The following THEMIS variants were observed in gnomAD, a reference collection of about 807,000 sequenced individuals.
THEMIS encodes the protein protein THEMIS.
THEMIS carries 37 observed loss-of-function variants against 52.6 expected under a neutral mutation model. That is an observed-to-expected ratio of 0.70 (90% confidence interval 0.54 to 0.93). THEMIS has a LOEUF of 0.93. THEMIS is among the 40% of genes least tolerant of loss of function. THEMIS has a pLI of 0.00. For synonymous variants in THEMIS, 292 were observed against 272.7 expected (o/e 1.07, Z -0.70); for missense variants, 808 against 763.1 (o/e 1.06, Z -0.69).
rs1244857367 is a variant in THEMIS, at chr6:127,813,407, C to T, written c.1234G>A (p.Ala412Thr). 4.3e-6 allele frequency: 7 copies of T among 1,613,810 alleles called. No homozygotes were observed. Among genetic ancestry groups the T allele is most frequent in the Non-Finnish European group, 5.9e-6 (7 of 1,179,888 alleles). The stretch of plus-strand genomic sequence containing the variant: ...GACTTTTTGAGGATTTTTTCACAGG[C>T]CAGAACATTCACCACTTTTTTTATT... ...EGIKKVVNVLACEKILKKSYE... is the reference protein window; with the variant it reads ...EGIKKVVNVLTCEKILKKSYE... Residue 412 changes from alanine (A) to threonine (T), a missense_variant, in exon 4 of 6, where the codon GCC becomes ACC. Ala to Thr is a moderately conservative substitution (Grantham distance 58). Transcript: ENST00000368248.
chr6:127,864,898 G>T (rs993189187), intron 1 of THEMIS, among the ~76,000 whole-genome samples: 1 of 152,170 alleles, frequency 6.6e-6, no homozygotes, highest in African/African-American at 2.4e-5. Context: ...ATTAAAATGA[G>T]CCAGTGAAAA....
intron 4 of THEMIS, among the ~76,000 whole-genome samples, chr6:127,785,810 G>C (rs1776929233): frequency 6.6e-6 from 1 of 151,860 alleles, no homozygotes; most frequent in Non-Finnish European, 1.5e-5. Flanking sequence ...ATAGCATTTA[G>C]AAAAGAGGGC....
At chr6:127,843,903 A>G (rs1032111534) in intron 2 of THEMIS, among the ~76,000 whole-genome samples, 1 of 151,996 alleles carries the variant, frequency 6.6e-6, no homozygotes, top group Non-Finnish European at 1.5e-5. Flanking sequence ...ATAGATCTCC[A>G]AATCACAGTC....
At chr6:127,756,955 A>G (rs1775846643) in intron 4 of THEMIS, among the ~76,000 whole-genome samples, 2 of 152,104 alleles carry the variant, frequency 1.3e-5, no homozygotes, top group South Asian at 4.1e-4. Context: ...AAAATCACTT[A>G]TTTTAGAAAA....
chr6:127,905,700 C>A (rs1781251614), upstream of THEMIS, among the ~76,000 whole-genome samples: 2 of 151,928 alleles, frequency 1.3e-5, no homozygotes, highest in Non-Finnish European at 2.9e-5. Context: ...AAAAGCAAAA[C>A]TGATAATGAA....
At chr6:127,768,606 C>T (rs1173749922) in intron 4 of THEMIS, among the ~76,000 whole-genome samples, 1 of 152,044 alleles carries the variant, frequency 6.6e-6, no homozygotes, top group African/African-American at 2.4e-5. Context: ...TGAAACAGAC[C>T]TTCAAATATT....
At chr6:127,858,345 T>C (rs756957108) in intron 1 of THEMIS, among the ~76,000 whole-genome samples, 9 of 152,044 alleles carry the variant, frequency 5.9e-5, no homozygotes, top group Non-Finnish European at 1.2e-4. Context: ...TTTTGTAATT[T>C]CTCTTTAATA....
chr6:127,723,068 T>G (rs1774417995), intron 4 of THEMIS, among the ~76,000 whole-genome samples: 1 of 151,970 alleles, frequency 6.6e-6, no homozygotes, highest in Admixed American at 6.6e-5. Context: ...ATCCTCAAGT[T>G]TATTCTCTCC....
chr6:127,726,049 G>A (rs1774534739), intron 4 of THEMIS, among the ~76,000 whole-genome samples: 1 of 152,048 alleles, frequency 6.6e-6, no homozygotes, highest in African/African-American at 2.4e-5. Flanking sequence ...ATGTGACCTT[G>A]CTGGCTTGGT....
intron 4 of THEMIS, among the ~76,000 whole-genome samples, chr6:127,724,088 C>T (rs932260502): frequency 2.0e-5 from 3 of 152,078 alleles, no homozygotes; most frequent in African/African-American, 7.2e-5. Flanking sequence ...CACTCACATG[C>T]ATAAGCAAGT....
the THEMIS span, among the ~76,000 whole-genome samples, chr6:127,699,149 C>T: frequency 1.3e-5 from 2 of 151,738 alleles, no homozygotes; most frequent in Admixed American, 1.3e-4. Context: ...GGTCTCCCTC[C>T]CCAAGTCTTT....
intron 4 of THEMIS, among the ~76,000 whole-genome samples, chr6:127,809,741 C>T (rs1245232543): frequency 6.6e-6 from 1 of 151,514 alleles, no homozygotes; most frequent in African/African-American, 2.4e-5. Flanking sequence ...CAAATTTGTC[C>T]TCCCTTTAAC....
intron 2 of THEMIS, among the ~76,000 whole-genome samples, chr6:127,851,468 G>T (rs868232276): frequency 6.6e-6 from 1 of 151,372 alleles, no homozygotes; most frequent in Non-Finnish European, 1.5e-5. Context: ...CCCCAAATAT[G>T]TAAAGAATTC....
At chr6:127,707,807 T>C (rs893231108), downstream of THEMIS, among the ~76,000 whole-genome samples, 2 of 152,152 alleles carry the variant, frequency 1.3e-5, no homozygotes, top group South Asian at 2.1e-4. Context: ...AGAGTTTTTC[T>C]ATTAAAATCC....
At chr6:127,798,348 A>T (rs1042353628) in intron 4 of THEMIS, among the ~76,000 whole-genome samples, 4 of 150,948 alleles carry the variant, frequency 2.6e-5, no homozygotes, top group African/African-American at 9.7e-5. Flanking sequence ...AAGAAACAGA[A>T]TTTTTTTTTT....
Position 127,813,771 on chromosome 6 carries a change from T to G in THEMIS, c.870A>C (p.Ala290=). The G allele has an allele frequency of 6.2e-7, 1 of 1,613,950 alleles. No homozygotes were observed. Among genetic ancestry groups the G allele is most frequent in the Non-Finnish European group, 8.5e-7 (1 of 1,179,950 alleles). ...TTTGGGGCAGGTGGTTTCCTTCAGG[T>G]GCTTCTATGACTTCAGTCACTATGG... ...EFPIVTEVIE[A]PEGNHLPQSI... The change falls in exon 4 of 6, where the codon GCA becomes GCC. Residue 290 remains alanine, a synonymous_variant. Coordinates refer to ENST00000368248, the MANE Select transcript of THEMIS (RefSeq NM_001010923.3).
chr6:127,699,498 G>A, the THEMIS span, among the ~76,000 whole-genome samples: 7 of 149,142 alleles, frequency 4.7e-5, no homozygotes, highest in African/African-American at 7.4e-5. Flanking sequence ...CACAGGATAC[G>A]TTCTTCCACT....
intron 1 of THEMIS, among the ~76,000 whole-genome samples, chr6:127,869,107 T>C (rs1044013501): frequency 5.3e-5 from 8 of 152,214 alleles, no homozygotes; most frequent in African/African-American, 1.7e-4. Context: ...GAAGTATATA[T>C]GTATGATATT....
chr6:127,812,095 G>T (rs183931446), intron 4 of THEMIS, among the ~76,000 whole-genome samples: 1 of 152,100 alleles, frequency 6.6e-6, no homozygotes, highest in Non-Finnish European at 1.5e-5. Context: ...AGACCAGAAT[G>T]CACTCCTTCC....
Sources: allele counts gnomAD v4.1 joint callset (sites outside exome capture counted in the v4.1 genomes callset), GRCh38; gene constraint gnomAD v4.1.1; transcripts MANE v1.5; gene names NCBI Gene and HGNC (gene_info 2026-07-23, HGNC 2026-07-21).